Variants in ADCY6 observed in about 807,000 individuals in gnomAD.
The protein encoded by ADCY6 is adenylate cyclase 6, also known as adenylate cyclase type 6.
ADCY6 carries 59 observed loss-of-function variants against 111.6 expected under a neutral mutation model. The ratio of observed to expected loss-of-function variants is 0.53; its 90% CI spans 0.43 to 0.66. The LOEUF is 0.66. Ranked by LOEUF, ADCY6 falls within the 30% of genes least tolerant of loss-of-function variation. The pLI is 0.00. For missense variants in ADCY6, 1,242 were observed against 1,595.6 expected, an observed-to-expected ratio of 0.78 and a Z score of 3.78; for synonymous variants, 576 against 642.9, an observed-to-expected ratio of 0.90 and a Z score of 1.57.
rs1463605240 is a variant in ADCY6 at position 48,776,702 on chromosome 12, G to T, written c.1377-116C>A. 8.2e-6 allele frequency: 11 copies of T among 1,339,000 alleles called. No homozygotes were observed. Among genetic ancestry groups the T allele is most frequent in the Non-Finnish European group, 1.1e-5 (11 of 1,001,226 alleles). 82.9% of individuals were successfully genotyped at this position (1,339,000 alleles called of 1,614,324 possible). A position where few individuals can be genotyped will look rare whatever the true frequency, so the allele number is the denominator to read the frequency against. On this transcript the variant is annotated intron_variant, in intron 6 of 21. Transcript: ENST00000357869. This position sits in a 1 kb window ranked among gnomAD's most constrained non-coding sequence, Gnocchi z 6.1. ...GGCAAGGACAGACCCAGATGCAGGG[G>T]ACGGGAGCACAGCCTTGGTTGGACA... is the stretch of plus-strand genomic sequence containing the variant.
chr12:48,785,046 G>A (rs935686162), intron 1 of ADCY6, among the ~76,000 whole-genome samples: 8 of 152,082 alleles, frequency 5.3e-5, no homozygotes, highest in African/African-American at 1.9e-4. Context: ...CCTCTGTCTG[G>A]AACAAGAGCT....
chr12:48,778,004 C>A (rs757360307), intron 3 of ADCY6, 104 bp downstream of exon 3: 118 of 1,456,884 alleles, frequency 8.1e-5, no homozygotes, highest in Non-Finnish European at 1.1e-4. Context: ...CCCAGGGGAA[C>A]CATCACACTG....
Position 48,775,944 on chromosome 12 carries a change from G to A in ADCY6, c.1806+19C>T, listed in dbSNP as rs750013600. On this transcript the variant is annotated intron_variant, in intron 9 of 21. Coordinates refer to ENST00000357869, the MANE Select transcript of ADCY6 (RefSeq NM_015270.5). Reference sequence around the variant, plus strand: ...GCTAAGAAAATGAGGCCCTAGGTCTGGTGCTGAGGGCCCCTCACCATCTGG... The same window carrying A: ...GCTAAGAAAATGAGGCCCTAGGTCTAGTGCTGAGGGCCCCTCACCATCTGG... 9 of 1,588,038 alleles carry A rather than the reference G, an allele frequency of 5.7e-6. No homozygotes were observed. Among genetic ancestry groups the A allele is most frequent in the Non-Finnish European group, 7.7e-6 (9 of 1,167,524 alleles).
chr12:48,776,159 A>C lies in ADCY6; in HGVS notation c.1677+50T>G, dbSNP rs752433254. 2.5e-6 allele frequency: 4 copies of C among 1,613,576 alleles called. No individual in the cohort carries two copies. Among genetic ancestry groups the C allele is most frequent in the Non-Finnish European group, 3.4e-6 (4 of 1,179,888 alleles). On this transcript the variant is annotated intron_variant, in intron 8 of 21. Coordinates refer to ENST00000357869, the MANE Select transcript of ADCY6 (RefSeq NM_015270.5). The surrounding 1 kb of genome is among the most constrained non-coding windows in gnomAD (Gnocchi z 6.1). Reference sequence around the variant, plus strand: ...AGGAGGCCTTGGCCTGCTCCTCCCCATTTGTCCCTCTTCTTGCTCCCCTGC... The same window carrying C: ...AGGAGGCCTTGGCCTGCTCCTCCCCCTTTGTCCCTCTTCTTGCTCCCCTGC...
In ADCY6 at chr12:48,773,523, C is replaced by G; in HGVS notation, c.2567G>C (p.Gly856Ala). Residue 856 changes from glycine (G) to alanine (A), a missense_variant, in exon 16 of 22, where the codon GGT becomes GCT. Around this residue, in one of 4 missense-constraint regions of ADCY6, gnomAD observed 375 missense variants for 432.5 expected, o/e 0.87. Transcript: ENST00000357869. Reference sequence around the variant, plus strand: ...GTTGTCAAAGATGGTGGCTGGGGGACCCAGCAGAAGCAGCACCAAATAGAT... The same window carrying G: ...GTTGTCAAAGATGGTGGCTGGGGGAGCCAGCAGAAGCAGCACCAAATAGAT... Reference protein sequence around the residue: ...GLIYLVLLLLGPPATIFDNYD... With the variant: ...GLIYLVLLLLAPPATIFDNYD... 1 of 1,614,060 alleles carries G rather than the reference C, an allele frequency of 6.2e-7. No homozygotes were observed. The highest frequency in any genetic ancestry group is 8.5e-7 in the Non-Finnish European group (1 of 1,179,994).
chr12:48,776,028 T>C lies in ADCY6; in HGVS notation c.1741A>G (p.Met581Val), dbSNP rs768125327. ...GCACGATCAGGAACCCAGCGCGGCA[T>C]CAGCCCTTCCATGGAGTTGGCCCGA... ...RTRANSMEGL[M>V]PRWVPDRAFS... The change falls in exon 9 of 22, where the codon ATG becomes GTG. Residue 581 changes from methionine (M) to valine (V), a missense_variant. Met to Val is a conservative substitution (Grantham distance 21). Coordinates refer to ENST00000357869, the MANE Select transcript of ADCY6 (RefSeq NM_015270.5). This position sits in a 1 kb window ranked among gnomAD's most constrained non-coding sequence, Gnocchi z 6.1. 3.1e-6 allele frequency: 5 copies of C among 1,613,270 alleles called. No individual in the cohort carries two copies. The South Asian group carries it at 5.5e-5, about 18-fold the overall frequency.
At chr12:48,787,187 C>T (rs1304776059) in intron 1 of ADCY6, among the ~76,000 whole-genome samples, 3 of 152,138 alleles carry the variant, frequency 2.0e-5, no homozygotes, top group African/African-American at 7.2e-5. Flanking sequence ...CCACCACCCA[C>T]AACATTTTGC....
intron 16 of ADCY6, 111 bp from the exon 17 acceptor site, chr12:48,772,654 G>T: frequency 1.6e-6 from 2 of 1,288,784 alleles, no homozygotes; most frequent in Non-Finnish European, 2.2e-6. Context: ...TGTAAGTCAG[G>T]CATTGGGCCA....
At chr12:48,783,712 A>G in intron 1 of ADCY6, 4 of 579,180 alleles carry the variant, frequency 6.9e-6, no homozygotes, top group East Asian at 7.4e-5. Context: ...TGAGGCCGAG[A>G]TAGGAGGATG....
At chr12:48,786,439 T>G (rs926598313) in intron 1 of ADCY6, among the ~76,000 whole-genome samples, 8 of 152,196 alleles carry the variant, frequency 5.3e-5, no homozygotes, top group Non-Finnish European at 1.2e-4. Context: ...CAATCTCAGC[T>G]CACTGCAACC....
chr12:48,786,891 C>T (rs1284037890), intron 1 of ADCY6, among the ~76,000 whole-genome samples: 1 of 152,190 alleles, frequency 6.6e-6, no homozygotes, highest in East Asian at 1.9e-4. Flanking sequence ...TGTGTCAGTA[C>T]CTTCATCTGC....
At chr12:48,781,063 T>G (rs1391818784) in intron 2 of ADCY6, among the ~76,000 whole-genome samples, 1 of 151,964 alleles carries the variant, frequency 6.6e-6, no homozygotes, top group East Asian at 1.9e-4. Context: ...CTGGGCATGG[T>G]GGCGCGCTCC....
chr12:48,772,269 C>A, intron 18 of ADCY6, 26 bp downstream of exon 18: 2 of 1,594,252 alleles, frequency 1.3e-6, no homozygotes, highest in Non-Finnish European at 1.7e-6. Flanking sequence ...GGTTCCTCCT[C>A]TTCCCCCAAA....
At chr12:48,775,623 C>G (rs756836939) in intron 10 of ADCY6, 50 bp downstream of exon 10, 11 of 1,599,100 alleles carry the variant, frequency 6.9e-6, no homozygotes, top group African/African-American at 1.3e-5. Flanking sequence ...CTCCCCCCAG[C>G]CCCATCCCAG....
intron 18 of ADCY6, 60 bp downstream of exon 18, chr12:48,772,235 G>A (rs1941568674): frequency 1.3e-6 from 2 of 1,551,462 alleles, no homozygotes; most frequent in African/African-American, 1.4e-5. Flanking sequence ...ATACATTTCT[G>A]GCCTGGCCCA....
chr12:48,774,279 C>G (rs1459426617), intron 14 of ADCY6, 123 bp downstream of exon 14: 31 of 1,128,718 alleles, frequency 2.7e-5, no homozygotes, highest in Non-Finnish European at 4.0e-5. Flanking sequence ...AGTTAACCTT[C>G]CCCTATTCTG....
In ADCY6 at chr12:48,771,984, C is replaced by T; in HGVS notation, c.2788-11G>A. 6.3e-7 allele frequency: 1 copy of T among 1,599,786 alleles called. No individual in the cohort carries two copies. The highest frequency in any genetic ancestry group is 1.1e-5 in the South Asian group (1 of 88,300). On this transcript the variant is annotated splice_polypyrimidine_tract_variant and intron_variant, in intron 18 of 21. Transcript: ENST00000357869. This position sits in a 1 kb window ranked among gnomAD's most constrained non-coding sequence, Gnocchi z 4.3. Reference sequence around the variant, plus strand: ...CTTCTCCCCTGTTGCCTGTGGACACCACACCCATCACCCATTGCCCGACAT... The same window carrying T: ...CTTCTCCCCTGTTGCCTGTGGACACTACACCCATCACCCATTGCCCGACAT...
chr12:48,778,989 T>G (rs1941779681), intron 2 of ADCY6, among the ~76,000 whole-genome samples: 1 of 141,762 alleles, frequency 7.1e-6, no homozygotes, highest in Non-Finnish European at 1.5e-5. Flanking sequence ...GCGATTCTCC[T>G]GCCTCAGCCT....
chr12:48,775,488 C>A (rs1443971939), intron 10 of ADCY6, 38 bp from the exon 11 acceptor site: 1 of 1,611,368 alleles, frequency 6.2e-7, no homozygotes. Flanking sequence ...GTTGCATGGG[C>A]ATGGCCATGT....
Sources: gnomAD v4.1 joint callset for allele counts (sites outside exome capture counted in the v4.1 genomes callset) on GRCh38, gnomAD v4.1.1 for gene constraint, gnomAD v4.1.1 regional missense constraint, Gnocchi (gnomAD v3.1) non-coding constraint, MANE v1.5 for transcripts, NCBI Gene and HGNC (gene_info 2026-07-23, HGNC 2026-07-21) for gene names.